The following RELN variants were observed in gnomAD, a reference collection of about 807,000 sequenced individuals.
The protein encoded by RELN is reelin.
RELN carries 108 observed loss-of-function variants against 427.6 expected under a neutral mutation model. That is an observed-to-expected ratio of 0.25 (90% CI 0.22 to 0.30). The LOEUF (loss-of-function observed/expected upper bound fraction) is 0.30, where lower values mean the gene tolerates loss of function less well. RELN is among the 10% of genes least tolerant of loss of function. The pLI, the probability that RELN is intolerant of heterozygous loss-of-function variation, is 1.00. For synonymous variants in RELN, 1,524 were observed against 1,513.4 expected (o/e 1.01, Z -0.16); for missense variants, 3,715 against 4,302.8 (o/e 0.86, Z 3.82).
intron 8 of RELN, among the ~76,000 whole-genome samples, chr7:103,720,391 G>A (rs1254365873): frequency 6.6e-6 from 1 of 151,956 alleles, no homozygotes; most frequent in Non-Finnish European, 1.5e-5. Flanking sequence ...TCCAATTGTG[G>A]TTATACATGC....
rs560809730 is a variant in RELN, at chr7:103,691,094, C to T, written c.1143+6759G>A. Among the ~76,000 whole-genome samples the T allele has an allele frequency of 5.5e-4, 83 of 152,214 alleles. 1 individual carries two copies. The highest frequency in any genetic ancestry group is 2.0e-3 in the African/African-American group (82 of 41,534). ...TACATTAAAAGCTGATAGTGTTATA[C>T]ATCTATTTCATATTAATTACTAAAA... On this transcript the variant is annotated intron_variant, in intron 10 of 64. Transcript: ENST00000428762.
chr7:103,961,890 T>C (rs1796563269), intron 1 of RELN, among the ~76,000 whole-genome samples: 1 of 152,204 alleles, frequency 6.6e-6, no homozygotes, highest in African/African-American at 2.4e-5. Context: ...GAGTAGCTTT[T>C]AAATTCAGAG....
chr7:103,538,958 A>C (rs766803001), intron 45 of RELN, 120 bp downstream of exon 45: 19 of 1,125,756 alleles, frequency 1.7e-5, no homozygotes, highest in Non-Finnish European at 2.4e-5. Flanking sequence ...GGTTTGACTC[A>C]AAGTGCACTT....
At chr7:103,745,100 G>A (rs1031035842) in intron 6 of RELN, among the ~76,000 whole-genome samples, 8 of 152,206 alleles carry the variant, frequency 5.3e-5, no homozygotes, top group African/African-American at 1.7e-4. Flanking sequence ...GGGATGCAAG[G>A]CTGGTTCAAT....
chr7:103,819,871 C>T (rs531205993), intron 3 of RELN, among the ~76,000 whole-genome samples: 71 of 151,990 alleles, frequency 4.7e-4, no homozygotes, highest in African/African-American at 1.6e-3. Context: ...TTCATGCTCT[C>T]GGTTTCTTTT....
chr7:103,685,870 C>A (rs1833755152), intron 10 of RELN, among the ~76,000 whole-genome samples: 1 of 152,070 alleles, frequency 6.6e-6, no homozygotes, highest in Non-Finnish European at 1.5e-5. Flanking sequence ...AACATCAGTG[C>A]AAATTCTTCA....
chr7:103,877,177 C>CAAA (rs1267153443), intron 2 of RELN, among the ~76,000 whole-genome samples: 1 of 152,162 alleles, frequency 6.6e-6, no homozygotes, highest in Non-Finnish European at 1.5e-5. Flanking sequence ...TTCTCCCTTT[C>CAAA]TCCTGCAGGG....
intron 2 of RELN, among the ~76,000 whole-genome samples, chr7:103,834,388 G>A (rs752474312): frequency 6.6e-6 from 1 of 152,138 alleles, no homozygotes; most frequent in Non-Finnish European, 1.5e-5. Context: ...TTAAAGAGTG[G>A]TCTTGTTTTT....
At chr7:103,490,524 G>A in intron 59 of RELN, 144 bp downstream of exon 59, 1 of 861,342 alleles carries the variant, frequency 1.2e-6, no homozygotes, top group South Asian at 1.4e-5. Flanking sequence ...GGTGAGAGGA[G>A]GGAGAAAAGG....
At chr7:103,881,930 A>C (rs1794616697) in intron 2 of RELN, among the ~76,000 whole-genome samples, 2 of 152,222 alleles carry the variant, frequency 1.3e-5, no homozygotes, top group African/African-American at 2.4e-5. Flanking sequence ...GTTTCATTGA[A>C]TATTGTATTA....
At chr7:103,537,114 G>A (rs544365047) in intron 45 of RELN, among the ~76,000 whole-genome samples, 2 of 152,154 alleles carry the variant, frequency 1.3e-5, no homozygotes, top group East Asian at 1.9e-4. Flanking sequence ...TTAGCCTTTG[G>A]TATCAGAGGT....
chr7:103,635,101 T>C (rs1245885450), intron 19 of RELN, among the ~76,000 whole-genome samples: 1 of 152,138 alleles, frequency 6.6e-6, no homozygotes, highest in African/African-American at 2.4e-5. Flanking sequence ...CCTCGTGATC[T>C]GCCTGCCTCG....
chr7:103,750,874 A>G (rs561540766), intron 5 of RELN, among the ~76,000 whole-genome samples: 8 of 152,184 alleles, frequency 5.3e-5, no homozygotes, highest in Non-Finnish European at 1.0e-4. Flanking sequence ...TACACATTTG[A>G]GGTATATTGA....
In RELN at chr7:103,811,954, T is replaced by C. The variant is rs146241690; in HGVS notation, c.473+21583A>G. On this transcript the variant is annotated intron_variant, in intron 3 of 64. Coordinates refer to ENST00000428762, the MANE Select transcript of RELN (RefSeq NM_005045.4). ...GGCATAAAGCCCTTGGATAAGCTAA[T>C]AGCATTTCTATAAAGAATAAGCTGG... Among the ~76,000 whole-genome samples the C allele has an allele frequency of 2.0e-3, 298 of 152,356 alleles. 1 individual carries two copies. Among genetic ancestry groups the C allele is most frequent in the African/African-American group, 6.9e-3 (287 of 41,592 alleles).
chr7:103,489,943 C>T, intron 59 of RELN, 44 bp from the exon 60 acceptor site: 1 of 1,611,242 alleles, frequency 6.2e-7, no homozygotes, highest in Non-Finnish European at 8.5e-7. Context: ...TAGGTTGTTA[C>T]TTCCATGGCT....
chr7:103,939,094 C>G (rs531506306), intron 1 of RELN, among the ~76,000 whole-genome samples: 20 of 152,064 alleles, frequency 1.3e-4, no homozygotes, highest in Non-Finnish European at 2.4e-4. Context: ...TTACAGGCAC[C>G]CGCCACCACG....
chr7:103,923,972 T>C (rs1795671241), intron 1 of RELN, among the ~76,000 whole-genome samples: 1 of 152,144 alleles, frequency 6.6e-6, no homozygotes, highest in Non-Finnish European at 1.5e-5. Context: ...ATTATACCCC[T>C]TTTACCCATT....
chr7:103,515,562 T>G, intron 49 of RELN, 121 bp from the exon 50 acceptor site: 1 of 1,280,564 alleles, frequency 7.8e-7, no homozygotes, highest in Non-Finnish European at 1.1e-6. Flanking sequence ...GGGAAGGACA[T>G]AAGCTAAAAT....
chr7:103,648,398 C>A (rs1832841083), intron 16 of RELN, among the ~76,000 whole-genome samples: 1 of 152,060 alleles, frequency 6.6e-6, no homozygotes, highest in Non-Finnish European at 1.5e-5. Flanking sequence ...TTCTGTACAG[C>A]CCATGGAACT....
Sources: allele counts gnomAD v4.1 joint callset (sites outside exome capture counted in the v4.1 genomes callset), GRCh38; gene constraint gnomAD v4.1.1; transcripts MANE v1.5; gene names NCBI Gene and HGNC (gene_info 2026-07-23, HGNC 2026-07-21).